The following EFNA2 variants were observed in gnomAD, a reference collection of about 807,000 sequenced individuals.
EFNA2 encodes the protein ephrin-A2.
A neutral mutation model predicts 19.7 loss-of-function variants in EFNA2; 18 were observed. The observed-to-expected ratio is 0.91, with a 90% CI of 0.63 to 1.35. The LOEUF (loss-of-function observed/expected upper bound fraction) is 1.35, where lower values mean the gene tolerates loss of function less well. Among genes scored for constraint, EFNA2 ranks in the 40% most tolerant of loss-of-function variants. The pLI is 0.00. For synonymous variants in EFNA2, 187 were observed against 137.8 expected (o/e 1.36, Z -2.50); for missense variants, 303 against 296.0 (o/e 1.02, Z -0.17).
In EFNA2 at chr19:1,286,924, G is replaced by A. The variant is rs940557046; in HGVS notation, c.140+616G>A. 6.6e-6 allele frequency among the ~76,000 whole-genome samples: 1 copy of A among 152,166 alleles called. No individual in the cohort carries two copies. Among genetic ancestry groups the A allele is most frequent in the Non-Finnish European group, 1.5e-5 (1 of 68,020 alleles). On this transcript the variant is annotated intron_variant, in intron 1 of 3. Transcript: ENST00000215368. The surrounding 1 kb of genome is among the most constrained non-coding windows in gnomAD (Gnocchi z 5.6). Reference sequence around the variant, plus strand: ...GGGTCAGCCCCGGGAGGGGCAGTGGGATGGAGTCCTCTCTTGTCCTCTGGG... The same window carrying A: ...GGGTCAGCCCCGGGAGGGGCAGTGGAATGGAGTCCTCTCTTGTCCTCTGGG...
rs1260642830 is a variant in EFNA2, at chr19:1,287,961, C to T, written c.140+1653C>T. On this transcript the variant is annotated intron_variant, in intron 1 of 3. Coordinates refer to ENST00000215368, the MANE Select transcript of EFNA2 (RefSeq NM_001405.4). This position sits in a 1 kb window ranked among gnomAD's most constrained non-coding sequence, Gnocchi z 6.2. ...GGCTGTGGGCTGCGGGCCGGACCCCCGGCCAGGGGAAGGAAGTGGCCTCCC... is the reference window on the plus strand; with the variant it reads ...GGCTGTGGGCTGCGGGCCGGACCCCTGGCCAGGGGAAGGAAGTGGCCTCCC... Among the ~76,000 whole-genome samples the T allele has an allele frequency of 6.6e-6, 1 of 152,252 alleles. No individual in the cohort carries two copies. Among genetic ancestry groups the T allele is most frequent in the Non-Finnish European group, 1.5e-5 (1 of 68,038 alleles).
rs2081536181 is a variant in EFNA2, at chr19:1,300,276, T to TA, written c.*332dup. 5.9e-6 allele frequency: 1 copy of TA among 170,288 alleles called. No individual in the cohort carries two copies. The highest frequency in any genetic ancestry group is 1.1e-5 in the Non-Finnish European group (1 of 88,416). 10.5% of individuals were successfully genotyped at this position (170,288 alleles called of 1,614,324 possible). On this transcript the variant is annotated 3_prime_UTR_variant, in exon 4 of 4. Transcript: ENST00000215368. ...TTTTTTTTTTTTTTTTTTTTTTTTT[T>TA]AGTGTATTTTTCGTGGTTGGATCAA...
chr19:1,296,241 G>A lies in EFNA2; in HGVS notation c.454+383G>A, dbSNP rs897110070. Among the ~76,000 whole-genome samples, 1 of 152,206 alleles carries A rather than the reference G, an allele frequency of 6.6e-6. No homozygotes were observed. Among genetic ancestry groups the A allele is most frequent in the Non-Finnish European group, 1.5e-5 (1 of 68,034 alleles). ...TGAGGCTGCACTATTGTGATCTCGG[G>A]CCTCCAGCTCAGACCACTTGGTGGT... On this transcript the variant is annotated intron_variant, in intron 2 of 3. Transcript: ENST00000215368. The surrounding 1 kb of genome is among the most constrained non-coding windows in gnomAD (Gnocchi z 4.4).
Position 1,286,389 on chromosome 19 carries a change from T to G in EFNA2, c.140+81T>G. 16 of 624,018 alleles carry G rather than the reference T, an allele frequency of 2.6e-5. No individual in the cohort carries two copies. Among genetic ancestry groups the G allele is most frequent in the Non-Finnish European group, 3.0e-5 (15 of 505,072 alleles). 38.7% of individuals were successfully genotyped at this position (624,018 alleles called of 1,614,324 possible). On this transcript the variant is annotated intron_variant, in intron 1 of 3. Transcript: ENST00000215368. This position sits in a 1 kb window ranked among gnomAD's most constrained non-coding sequence, Gnocchi z 5.6. ...GCGCCCGGCCTCGCGCCCCCGGAGC[T>G]CCGGGCGCCCCCCACGCGCGCGCCG...
At chr19:1,298,505 G>T (rs2081525929) in intron 2 of EFNA2, 46 bp from the exon 3 acceptor site, 7 of 1,600,748 alleles carry the variant, frequency 4.4e-6, no homozygotes, top group Non-Finnish European at 5.1e-6. Flanking sequence ...GAGGTCTCAG[G>T]CACCAAGAGG....
At chr19:1,289,501 C>T (rs1568862033) in intron 1 of EFNA2, among the ~76,000 whole-genome samples, 1 of 152,174 alleles carries the variant, frequency 6.6e-6, no homozygotes, top group Non-Finnish European at 1.5e-5. Context: ...CCCCTGGGGA[C>T]GGGACCAGGG....
chr19:1,292,347 A>T (rs1026081562), intron 1 of EFNA2, among the ~76,000 whole-genome samples: 1 of 152,186 alleles, frequency 6.6e-6, no homozygotes, highest in African/African-American at 2.4e-5. Flanking sequence ...TCCAACACAC[A>T]CACCTGTGGG....
rs1296942516 is a variant in EFNA2 at position 1,291,177 on chromosome 19, G to A, written c.141-4368G>A. 2.6e-5 allele frequency among the ~76,000 whole-genome samples: 4 copies of A among 152,174 alleles called. No individual in the cohort carries two copies. In the East Asian group the frequency reaches 5.8e-4, roughly 22 times the overall value. ...GGGAGGGGCAGGAAGGTGGGTGGCC[G>A]ACGGCAGCTGCACTCTGTACCAGGG... is the stretch of plus-strand genomic sequence containing the variant. On this transcript the variant is annotated intron_variant, in intron 1 of 3. Transcript: ENST00000215368.
intron 3 of EFNA2, 74 bp from the exon 4 acceptor site, chr19:1,299,750 T>A: frequency 2.0e-6 from 3 of 1,506,072 alleles, no homozygotes; most frequent in Non-Finnish European, 2.7e-6. Context: ...ATGTGCACCC[T>A]GAGGGCGGGC....
chr19:1,291,385 C>T (rs1399098330), intron 1 of EFNA2, among the ~76,000 whole-genome samples: 2 of 152,224 alleles, frequency 1.3e-5, no homozygotes, highest in African/African-American at 4.8e-5. Context: ...TCAGGTCCCA[C>T]CCAGGTCCTG....
At position 1,295,670 on chromosome 19, in the gene EFNA2, A is replaced by G. The variant is rs750408626; in HGVS notation, c.266A>G (p.Tyr89Cys). Residue 89 changes from tyrosine to cysteine, a missense_variant, in exon 2 of 4, where the codon TAC becomes TGC. Physicochemically the swap from Tyr to Cys is radical, Grantham distance 194. Coordinates refer to ENST00000215368, the MANE Select transcript of EFNA2 (RefSeq NM_001405.4). This position sits in a 1 kb window ranked among gnomAD's most constrained non-coding sequence, Gnocchi z 5.8. ...CCGCCGGCCGAGCGCATGGAGCACT[A>G]CGTGCTGTACATGGTCAACGGCGAG... is the stretch of plus-strand genomic sequence containing the variant. The part of the protein sequence containing the change: ...PLPPAERMEH[Y>C]VLYMVNGEGH... 1.9e-6 allele frequency: 3 copies of G among 1,611,326 alleles called. No homozygotes were observed. Among genetic ancestry groups the G allele is most frequent in the Non-Finnish European group, 1.7e-6 (2 of 1,179,246 alleles).
intron 1 of EFNA2, among the ~76,000 whole-genome samples, chr19:1,288,495 A>G (rs959868789): frequency 2.0e-5 from 3 of 151,792 alleles, no homozygotes; most frequent in Non-Finnish European, 4.4e-5. Flanking sequence ...GGGGACCCCA[A>G]GTCTTTGAGA....
At position 1,286,218 on chromosome 19, in the gene EFNA2, C is replaced by T. The variant is rs946107832; in HGVS notation, c.50C>T (p.Pro17Leu). The T allele has an allele frequency of 1.8e-6, 2 of 1,112,814 alleles. No homozygotes were observed. Among genetic ancestry groups the T allele is most frequent in the Admixed American group, 4.0e-5 (1 of 24,832 alleles). The allele number at this position is 1,112,814 out of a possible 1,614,324, so 68.9% of individuals were successfully genotyped here. A position where few individuals can be genotyped will look rare whatever the true frequency, so the allele number is the denominator to read the frequency against. ...CTCCCGCTGCTGCTCCTGCTGTTAC[C>T]GCTGCCGCCGCCGCCCTTCGCGCGC... is the stretch of plus-strand genomic sequence containing the variant. ...PLLPLLLLLL[P>L]LPPPPFARAE... The change falls in exon 1 of 4, where the codon CCG becomes CTG. Residue 17 changes from proline (P) to leucine (L), a missense_variant. Physicochemically the swap from Pro to Leu is moderately conservative, Grantham distance 98. Transcript: ENST00000215368. This position sits in a 1 kb window ranked among gnomAD's most constrained non-coding sequence, Gnocchi z 5.6.
At chr19:1,289,818 G>A (rs1051056869) in intron 1 of EFNA2, among the ~76,000 whole-genome samples, 5 of 152,324 alleles carry the variant, frequency 3.3e-5, no homozygotes, top group Non-Finnish European at 7.4e-5. Context: ...GGGGTGTCTC[G>A]CTCCCCGTGG....
At position 1,296,181 on chromosome 19, in the gene EFNA2, G is replaced by A. The variant is rs532474881; in HGVS notation, c.454+323G>A. Among the ~76,000 whole-genome samples the A allele has an allele frequency of 2.0e-5, 3 of 152,338 alleles. No individual in the cohort carries two copies. The highest frequency in any genetic ancestry group is 1.9e-4 in the East Asian group (1 of 5,188). ...GAGGCCAGGACTTTCCTCGTCCTTC[G>A]TTGCATATGGGGAAACTGAGGCTTG... On this transcript the variant is annotated intron_variant, in intron 2 of 3. Transcript: ENST00000215368. The surrounding 1 kb of genome is among the most constrained non-coding windows in gnomAD (Gnocchi z 4.4).
In EFNA2 at chr19:1,295,506, C is replaced by G; in HGVS notation, c.141-39C>G. 6.7e-7 allele frequency: 1 copy of G among 1,500,922 alleles called. No individual in the cohort carries two copies. The highest frequency in any genetic ancestry group is 8.9e-7 in the Non-Finnish European group (1 of 1,127,738). 93.0% of individuals were successfully genotyped at this position (1,500,922 alleles called of 1,614,324 possible). A position where few individuals can be genotyped will look rare whatever the true frequency, so the allele number is the denominator to read the frequency against. The stretch of plus-strand genomic sequence containing the variant: ...GCACCCCGACCCGTGCCCCGTTCCT[C>G]GCTCCGGGCGCTGACCTCTGGCCGC... On this transcript the variant is annotated intron_variant, in intron 1 of 3. Coordinates refer to ENST00000215368, the MANE Select transcript of EFNA2 (RefSeq NM_001405.4). The surrounding 1 kb of genome is among the most constrained non-coding windows in gnomAD (Gnocchi z 5.8).
Position 1,297,464 on chromosome 19 carries a change from A to T in EFNA2, c.455-1087A>T, listed in dbSNP as rs949016934. 6.6e-6 allele frequency among the ~76,000 whole-genome samples: 1 copy of T among 152,124 alleles called. No homozygotes were observed. The highest frequency in any genetic ancestry group is 1.5e-5 in the Non-Finnish European group (1 of 68,016). Reference sequence around the variant, plus strand: ...CTGTGATGAATGTTATTTTTATTACATGCTTTTTATCTTCATCTTCCAGTG... The same window carrying T: ...CTGTGATGAATGTTATTTTTATTACTTGCTTTTTATCTTCATCTTCCAGTG... On this transcript the variant is annotated intron_variant, in intron 2 of 3. Transcript: ENST00000215368. The surrounding 1 kb of genome is among the most constrained non-coding windows in gnomAD (Gnocchi z 5.0).
chr19:1,284,765 C>T (rs1433725663), upstream of EFNA2, among the ~76,000 whole-genome samples: 2 of 152,332 alleles, frequency 1.3e-5, no homozygotes, highest in South Asian at 2.1e-4. This position sits in a 1 kb window ranked among gnomAD's most constrained non-coding sequence, Gnocchi z 5.3. Flanking sequence ...CAGGGACCTT[C>T]GGGTCCAAGG....
At position 1,286,221 on chromosome 19, in the gene EFNA2, T is replaced by A; in HGVS notation, c.53T>A (p.Leu18Gln). The change falls in exon 1 of 4, where the codon CTG becomes CAG. Residue 18 changes from leucine to glutamine, a missense_variant. Leu to Gln is a moderately radical substitution (Grantham distance 113). Coordinates refer to ENST00000215368, the MANE Select transcript of EFNA2 (RefSeq NM_001405.4). This position sits in a 1 kb window ranked among gnomAD's most constrained non-coding sequence, Gnocchi z 5.6. ...CCGCTGCTGCTCCTGCTGTTACCGC[T>A]GCCGCCGCCGCCCTTCGCGCGCGCC... The part of the protein sequence containing the change: ...LLPLLLLLLP[L>Q]PPPPFARAED... 6 of 1,113,412 alleles carry A rather than the reference T, an allele frequency of 5.4e-6. No homozygotes were observed. Among genetic ancestry groups the A allele is most frequent in the Non-Finnish European group, 6.7e-6 (6 of 900,328 alleles). The allele number at this position is 1,113,412 out of a possible 1,614,324, so 69.0% of individuals were successfully genotyped here. A position where few individuals can be genotyped will look rare whatever the true frequency, so the allele number is the denominator to read the frequency against.
Sources: allele counts gnomAD v4.1 joint callset (sites outside exome capture counted in the v4.1 genomes callset), GRCh38; gene constraint gnomAD v4.1.1; non-coding constraint Gnocchi (gnomAD v3.1); transcripts MANE v1.5; gene names NCBI Gene and HGNC (gene_info 2026-07-23, HGNC 2026-07-21).